ERBB4: variants seen among roughly 807,000 people sequenced by gnomAD.
ERBB4 encodes the protein erb-b2 receptor tyrosine kinase 4.
A neutral mutation model predicts 158.0 loss-of-function variants in ERBB4; 42 were observed. The ratio of observed to expected loss-of-function variants is 0.27; its 90% CI spans 0.21 to 0.34. The LOEUF (loss-of-function observed/expected upper bound fraction) is 0.34, where lower values mean the gene tolerates loss of function less well. Ranked by LOEUF, ERBB4 falls within the 10% of genes least tolerant of loss-of-function variation. The probability of loss-of-function intolerance (pLI) is 1.00; values close to 1 mark genes in which losing one functional copy is unlikely to be tolerated. For missense variants in ERBB4, 1,333 were observed against 1,624.1 expected (o/e 0.82, Z 3.08); for synonymous variants, 583 against 558.7 (o/e 1.04, Z -0.61).
At chr2:212,067,377 C>A (rs182238100) in intron 2 of ERBB4, among the ~76,000 whole-genome samples, 2 of 152,012 alleles carry the variant, frequency 1.3e-5, no homozygotes, top group African/African-American at 4.8e-5. Context: ...CAAAAGAAAT[C>A]TAAAGTAAAC....
At chr2:211,576,341 A>T (rs1415091239) in intron 19 of ERBB4, among the ~76,000 whole-genome samples, 2 of 152,206 alleles carry the variant, frequency 1.3e-5, no homozygotes, top group Non-Finnish European at 2.9e-5. Context: ...AGGGCATCCA[A>T]TTCTGGTCCA....
chr2:211,964,807 A>G (rs2081268993), intron 2 of ERBB4, among the ~76,000 whole-genome samples: 1 of 152,140 alleles, frequency 6.6e-6, no homozygotes, highest in Non-Finnish European at 1.5e-5. Flanking sequence ...CTACTACTCA[A>G]ATAAATTTCT....
At chr2:211,430,773 T>TATATAC (rs2063731821) in intron 21 of ERBB4, among the ~76,000 whole-genome samples, 172 bp downstream of exon 21, 1 of 151,340 alleles carries the variant, frequency 6.6e-6, no homozygotes. Context: ...ATATGATATA[T>TATATAC]ATATACACAC....
intron 19 of ERBB4, among the ~76,000 whole-genome samples, chr2:211,598,012 A>G (rs1379778583): frequency 6.6e-6 from 1 of 152,196 alleles, no homozygotes; most frequent in Non-Finnish European, 1.5e-5. Context: ...TCTGTGGGGA[A>G]TAAAAGAGAA....
At chr2:211,425,640 T>C (rs1364354922) in intron 22 of ERBB4, among the ~76,000 whole-genome samples, 1 of 151,742 alleles carries the variant, frequency 6.6e-6, no homozygotes, top group African/African-American at 2.4e-5. Flanking sequence ...ATATGTTTTA[T>C]ATTTTAGAAT....
intron 5 of ERBB4, among the ~76,000 whole-genome samples, chr2:211,726,915 C>T (rs985043911): frequency 2.0e-5 from 3 of 152,184 alleles, no homozygotes; most frequent in South Asian, 2.1e-4. Context: ...CTGTTTCTCA[C>T]GTCCAGCCAG....
chr2:211,959,188 C>T (rs1559189415), intron 2 of ERBB4, among the ~76,000 whole-genome samples: 1 of 151,884 alleles, frequency 6.6e-6, no homozygotes, highest in South Asian at 2.1e-4. Flanking sequence ...GTTTATTGTC[C>T]CCCTCTATTT....
At chr2:212,278,177 A>AGGTTTTGTTTGC (rs1430223544) in intron 1 of ERBB4, among the ~76,000 whole-genome samples, 1 of 151,754 alleles carries the variant, frequency 6.6e-6, no homozygotes, top group African/African-American at 2.4e-5. Context: ...GTTTTGGTTG[A>AGGTTTTGTTTGC]GGTTTTGTTT....
intron 2 of ERBB4, among the ~76,000 whole-genome samples, chr2:212,048,775 G>A (rs753802765): frequency 3.3e-5 from 5 of 152,160 alleles, no homozygotes; most frequent in Non-Finnish European, 7.4e-5. Context: ...AGTATATTTG[G>A]GAATCATGAG....
intron 16 of ERBB4, among the ~76,000 whole-genome samples, chr2:211,654,488 T>A (rs2105891839): frequency 6.6e-6 from 1 of 152,216 alleles, no homozygotes; most frequent in East Asian, 1.9e-4. Context: ...AAAACCTGAG[T>A]AATTTTGATA....
At chr2:212,533,720 A>G (rs1375427218) in intron 1 of ERBB4, among the ~76,000 whole-genome samples, 1 of 152,254 alleles carries the variant, frequency 6.6e-6, no homozygotes, top group South Asian at 2.1e-4. Context: ...TGAGTATTAG[A>G]TAAAACATGT....
At chr2:211,938,764 T>G (rs1244758383) in intron 3 of ERBB4, among the ~76,000 whole-genome samples, 2 of 152,128 alleles carry the variant, frequency 1.3e-5, no homozygotes, top group Admixed American at 1.3e-4. Context: ...AAGACAAGCA[T>G]GTAGAGATAA....
intron 1 of ERBB4, among the ~76,000 whole-genome samples, chr2:212,323,711 G>T (rs1298239907): frequency 6.6e-6 from 1 of 150,636 alleles, no homozygotes; most frequent in African/African-American, 2.4e-5. Flanking sequence ...TATGATTATT[G>T]TCAGTTATAC....
chr2:212,391,662 GTAT>G (rs1190822248), intron 1 of ERBB4, among the ~76,000 whole-genome samples: 5 of 103,538 alleles, frequency 4.8e-5, no homozygotes, highest in African/African-American at 1.2e-4. Context: ...ATTATATTAT[GTAT>G]TATATTTTAT....
chr2:211,759,806 AGTGTGTGTGTGTGTGT>A lies in ERBB4; in HGVS notation c.557-9118_557-9103del, dbSNP rs67981670. Among the ~76,000 whole-genome samples the A allele has an allele frequency of 2.4e-3, 353 of 150,046 alleles. 2 individuals carry two copies. The highest frequency in any genetic ancestry group is 7.9e-3 in the African/African-American group (323 of 40,868). ...AATTTTGGTGTTTTTCATTTTCTAGAGTGTGTGTGTGTGTGTGTGTGTGTGTGTGTGTGTTGCATTT... is the reference window on the plus strand; with the variant it reads ...AATTTTGGTGTTTTTCATTTTCTAGAGTGTGTGTGTGTGTGTGTTGCATTT... On this transcript the variant is annotated intron_variant, in intron 4 of 27. Transcript: ENST00000342788.
At chr2:211,717,949 C>A (rs1244237215) in intron 7 of ERBB4, among the ~76,000 whole-genome samples, 1 of 152,072 alleles carries the variant, frequency 6.6e-6, no homozygotes, top group African/African-American at 2.4e-5. Flanking sequence ...GCTCTTTTTG[C>A]CCAGGCTGGA....
At chr2:211,960,058 C>T (rs2081140777) in intron 2 of ERBB4, among the ~76,000 whole-genome samples, 1 of 152,048 alleles carries the variant, frequency 6.6e-6, no homozygotes, top group Non-Finnish European at 1.5e-5. Context: ...AGACAATTGC[C>T]TAAGTTCTGA....
At chr2:212,418,318 A>C (rs998514781) in intron 1 of ERBB4, among the ~76,000 whole-genome samples, 1 of 151,906 alleles carries the variant, frequency 6.6e-6, no homozygotes, top group Non-Finnish European at 1.5e-5. Context: ...TTTCCAGTCT[A>C]ATTCACTTAG....
chr2:211,737,001 G>A (rs2074622865), intron 5 of ERBB4, among the ~76,000 whole-genome samples: 1 of 152,136 alleles, frequency 6.6e-6, no homozygotes, highest in South Asian at 2.1e-4. Flanking sequence ...TCGCGATAAA[G>A]AGGGTATTAC....
Sources: allele counts gnomAD v4.1 joint callset (sites outside exome capture counted in the v4.1 genomes callset), GRCh38; gene constraint gnomAD v4.1.1; transcripts MANE v1.5; gene names NCBI Gene and HGNC (gene_info 2026-07-23, HGNC 2026-07-21).